Variants in GABRB2 observed in about 807,000 individuals in gnomAD.
The protein encoded by GABRB2 is gamma-aminobutyric acid receptor subunit beta-2.
GABRB2 carries 16 observed loss-of-function variants against 54.7 expected under a neutral mutation model. The observed-to-expected ratio is 0.29, with a 90% CI of 0.20 to 0.44. The LOEUF (loss-of-function observed/expected upper bound fraction) is 0.44. Among genes scored for constraint, GABRB2 ranks in the 20% least tolerant of loss-of-function variants. The pLI, the probability that GABRB2 is intolerant of heterozygous loss-of-function variation, is 1.00. For synonymous variants in GABRB2, 244 were observed against 233.8 expected (o/e 1.04, Z -0.40); for missense variants, 355 against 644.0 (o/e 0.55, Z 4.86).
At chr5:161,341,971 A>ATG (rs1554094668) in intron 5 of GABRB2, among the ~76,000 whole-genome samples, 8 of 26,640 alleles carry the variant, frequency 3.0e-4, no homozygotes, top group African/African-American at 5.7e-4. Flanking sequence ...ATATATATAC[A>ATG]TACTTTATTA....
chr5:161,343,606 A>G (rs1754235960), intron 5 of GABRB2, among the ~76,000 whole-genome samples: 1 of 152,084 alleles, frequency 6.6e-6, no homozygotes, highest in African/African-American at 2.4e-5. Context: ...GTATGTTTAG[A>G]GAGACTAAGC....
At chr5:161,387,390 C>G (rs1194561273) in intron 5 of GABRB2, among the ~76,000 whole-genome samples, 1 of 152,150 alleles carries the variant, frequency 6.6e-6, no homozygotes, top group African/African-American at 2.4e-5. Flanking sequence ...CATTCTGCAG[C>G]CTGGTATCCT....
chr5:161,454,918 G>T lies in GABRB2; in HGVS notation c.458+4706C>A, dbSNP rs1757904732. On this transcript the variant is annotated intron_variant, in intron 4 of 9. Transcript: ENST00000393959. ...AATCTGTTCCCAGAGCCCCTGGAAT[G>T]ATTTTCATACTGAAAAGCAAAGGAA... Among the ~76,000 whole-genome samples, 3 of 152,156 alleles carry T rather than the reference G, an allele frequency of 2.0e-5. No individual in the cohort carries two copies. In the South Asian group the frequency reaches 6.2e-4, roughly 31 times the overall value.
chr5:161,385,947 G>GTGTGTGT (rs1561631724), intron 5 of GABRB2, among the ~76,000 whole-genome samples: 23 of 93,414 alleles, frequency 2.5e-4, no homozygotes, highest in South Asian at 1.7e-3. Flanking sequence ...CCTATTGTCT[G>GTGTGTGT]GTGTGTGTGT....
intron 5 of GABRB2, among the ~76,000 whole-genome samples, chr5:161,359,216 GA>G (rs1328382652): frequency 3.3e-5 from 5 of 152,002 alleles, no homozygotes; most frequent in African/African-American, 1.2e-4. Flanking sequence ...AAATGTACTA[GA>G]AAAAAATACG....
chr5:161,298,263 C>T (rs1263860388), intron 9 of GABRB2, among the ~76,000 whole-genome samples: 1 of 152,162 alleles, frequency 6.6e-6, no homozygotes, highest in Non-Finnish European at 1.5e-5. Context: ...TTTTGCTGTG[C>T]AGAAGCTCTT....
At chr5:161,414,842 T>C (rs1243155200) in intron 4 of GABRB2, among the ~76,000 whole-genome samples, 1 of 152,118 alleles carries the variant, frequency 6.6e-6, no homozygotes, top group Non-Finnish European at 1.5e-5. Context: ...TATCTATATT[T>C]AGTAAGTGCC....
chr5:161,294,055 C>T lies in GABRB2; in HGVS notation c.*26G>A, dbSNP rs1397311472. On this transcript the variant is annotated 3_prime_UTR_variant, in exon 10 of 10. Transcript: ENST00000393959. ...CAACTGGTTTGAGGAGGAATCTAGTCCTTGCTTCCAGTGGGAGGCCATGTT... is the reference window on the plus strand; with the variant it reads ...CAACTGGTTTGAGGAGGAATCTAGTTCTTGCTTCCAGTGGGAGGCCATGTT... 1 of 1,552,554 alleles carries T rather than the reference C, an allele frequency of 6.4e-7. No homozygotes were observed. The highest frequency in any genetic ancestry group is 1.1e-5 in the South Asian group (1 of 87,380).
At chr5:161,443,803 C>G (rs1757532042) in intron 4 of GABRB2, among the ~76,000 whole-genome samples, 1 of 152,148 alleles carries the variant, frequency 6.6e-6, no homozygotes, top group African/African-American at 2.4e-5. Flanking sequence ...TGTGGTTTGT[C>G]TCATGCCATC....
Position 161,526,566 on chromosome 5 carries a change from GT to G in GABRB2, c.237+18660del, listed in dbSNP as rs573886546. On this transcript the variant is annotated intron_variant, in intron 3 of 9. Transcript: ENST00000393959. ...GATTTGGCTTACTACATTCAAAGAA[GT>G]TTTTTTTTTTTATTTCTATAAGACA... Among the ~76,000 whole-genome samples, 128 of 145,832 alleles carry G rather than the reference GT, an allele frequency of 8.8e-4. 1 individual carries two copies. Among genetic ancestry groups the G allele is most frequent in the East Asian group, 3.8e-3 (19 of 5,044 alleles).
At chr5:161,402,090 A>AAT (rs1281058279) in intron 5 of GABRB2, among the ~76,000 whole-genome samples, 1 of 151,532 alleles carries the variant, frequency 6.6e-6, no homozygotes, top group Non-Finnish European at 1.5e-5. Flanking sequence ...TTTATATACA[A>AAT]ATATATATAC....
rs536927246 is a variant in GABRB2, at chr5:161,458,913, C to A, written c.458+711G>T. Among the ~76,000 whole-genome samples, 5 of 152,232 alleles carry A rather than the reference C, an allele frequency of 3.3e-5. No individual in the cohort carries two copies. In the South Asian group the frequency reaches 8.3e-4, roughly 25 times the overall value. On this transcript the variant is annotated intron_variant, in intron 4 of 9. Coordinates refer to ENST00000393959, the MANE Select transcript of GABRB2 (RefSeq NM_001371727.1). ...GAAAATCTGAGTTTAGAATTTCTTC[C>A]ACTCTAATGAAGAGAAATCCTTTAT...
intron 3 of GABRB2, among the ~76,000 whole-genome samples, chr5:161,468,205 T>G (rs1295342257): frequency 6.6e-6 from 1 of 152,222 alleles, no homozygotes; most frequent in Middle Eastern, 3.4e-3. Context: ...TTTTCCTTGC[T>G]TAAGATGGTC....
rs750111998 is a variant in GABRB2, at chr5:161,294,141, T to A, written c.1479A>T (p.Ile493=). The change falls in exon 10 of 10, where the codon ATA becomes ATT. Residue 493 remains isoleucine, a synonymous_variant. Coordinates refer to ENST00000393959, the MANE Select transcript of GABRB2 (RefSeq NM_001371727.1). ...AGAAGGAAAAAACCACTGGGAAGAA[T>A]ATGCGGGACCACCGATCTATGGCAT... ...DVNAIDRWSR[I]FFPVVFSFFN... 2.2e-5 allele frequency: 35 copies of A among 1,613,918 alleles called. No individual in the cohort carries two copies. In the Admixed American group the frequency reaches 4.0e-4, roughly 18 times the overall value.
intron 3 of GABRB2, among the ~76,000 whole-genome samples, chr5:161,482,379 G>T (rs1479969116): frequency 6.6e-6 from 1 of 152,070 alleles, no homozygotes; most frequent in Non-Finnish European, 1.5e-5. Context: ...TTGTGGCAAA[G>T]TGGTTACCTG....
intron 5 of GABRB2, among the ~76,000 whole-genome samples, chr5:161,370,951 C>T (rs1755112893): frequency 6.6e-6 from 1 of 152,150 alleles, no homozygotes; most frequent in Non-Finnish European, 1.5e-5. Flanking sequence ...AAATAATGTT[C>T]CTAACCTGTT....
chr5:161,546,143 G>A (rs182239027), intron 2 of GABRB2, among the ~76,000 whole-genome samples, 179 bp downstream of exon 2: 2 of 152,216 alleles, frequency 1.3e-5, no homozygotes, highest in African/African-American at 4.8e-5. Flanking sequence ...GAAAGACCAC[G>A]GAAGTGGTGG....
intron 3 of GABRB2, among the ~76,000 whole-genome samples, chr5:161,474,192 A>G (rs184590268): frequency 6.6e-6 from 1 of 152,070 alleles, no homozygotes; most frequent in Non-Finnish European, 1.5e-5. Flanking sequence ...AGCTTGGGGA[A>G]GATCTAAAGA....
intron 3 of GABRB2, among the ~76,000 whole-genome samples, chr5:161,488,968 T>C (rs980820303): frequency 6.6e-6 from 1 of 151,782 alleles, no homozygotes; most frequent in Non-Finnish European, 1.5e-5. Context: ...TTTGAGTTTG[T>C]GTCAAGAGAT....
Sources: gnomAD v4.1 joint callset for allele counts (sites outside exome capture counted in the v4.1 genomes callset) on GRCh38, gnomAD v4.1.1 for gene constraint, MANE v1.5 for transcripts, NCBI Gene and HGNC (gene_info 2026-07-23, HGNC 2026-07-21) for gene names.